EPB41: variants seen among roughly 807,000 people sequenced by gnomAD.
EPB41 encodes erythrocyte membrane protein band 4.1.
Under a neutral mutation model 108.0 loss-of-function variants are expected in EPB41, and 65 were observed. That is an observed-to-expected ratio of 0.60 (90% confidence interval 0.49 to 0.74). The LOEUF (loss-of-function observed/expected upper bound fraction) is 0.74, where lower values mean the gene tolerates loss of function less well. Among genes scored for constraint, EPB41 ranks in the 30% least tolerant of loss-of-function variants. EPB41 has a pLI of 0.00. For synonymous variants in EPB41, 336 were observed against 358.9 expected, an observed-to-expected ratio of 0.94 and a Z score of 0.72; for missense variants, 875 against 1,037.0, an observed-to-expected ratio of 0.84 and a Z score of 2.15.
At position 28,975,940 on chromosome 1, in the gene EPB41, CAAAAAAAAA is replaced by C. The variant is rs775554564; in HGVS notation, c.-7-11478_-7-11470del. 1.2e-4 allele frequency among the ~76,000 whole-genome samples: 8 copies of C among 67,672 alleles called. No individual in the cohort carries two copies. The East Asian group carries it at 2.3e-3, about 19-fold the overall frequency. The allele number at this position is 67,672 out of a possible 152,430, so 44.4% of individuals were successfully genotyped here. A position where few individuals can be genotyped will look rare whatever the true frequency, so the allele number is the denominator to read the frequency against. On this transcript the variant is annotated intron_variant, in intron 1 of 20. Transcript: ENST00000343067. Reference sequence around the variant, plus strand: ...TGGGTGACAGAGTGAGACTCCATCTCAAAAAAAAAAAAAAAAAAAAAGAAAGAAAGAAAG... The same window carrying C: ...TGGGTGACAGAGTGAGACTCCATCTCAAAAAAAAAAAAGAAAGAAAGAAAG...
intron 1 of EPB41, among the ~76,000 whole-genome samples, chr1:28,976,744 T>C (rs1165194291): frequency 1.3e-5 from 2 of 152,120 alleles, no homozygotes; most frequent in Non-Finnish European, 2.9e-5. Flanking sequence ...TTCTTACTAG[T>C]TTCTTTGGAT....
chr1:29,004,612 AC>A (rs2096365917), intron 4 of EPB41, among the ~76,000 whole-genome samples: 1 of 152,216 alleles, frequency 6.6e-6, no homozygotes, highest in Non-Finnish European at 1.5e-5. Flanking sequence ...TTGTAAATAT[AC>A]TTGCAGAGTA....
intron 18 of EPB41, among the ~76,000 whole-genome samples, chr1:29,111,655 A>T (rs778426984): frequency 4.0e-5 from 6 of 151,346 alleles, no homozygotes; most frequent in African/African-American, 4.9e-5. Context: ...TCCGTCTCAA[A>T]AAATAAATAA....
At chr1:28,934,973 G>C (rs945646089) in intron 1 of EPB41, among the ~76,000 whole-genome samples, 1 of 151,992 alleles carries the variant, frequency 6.6e-6, no homozygotes, top group Non-Finnish European at 1.5e-5. Context: ...GAACTAGCCA[G>C]GGGTGGTGGC....
At position 28,935,468 on chromosome 1, in the gene EPB41, C is replaced by CACACACACACACACACACACACACA. The variant is rs1491193201; in HGVS notation, c.-8+20700_-8+20701insACACACACACACACACACACACACA. ...ACACACACACACACACACACACACACCCCCCCCCCCCCAAGATCTACGCAC... is the reference window on the plus strand; with the variant it reads ...ACACACACACACACACACACACACACACACACACACACACACACACACACACCCCCCCCCCCCAAGATCTACGCAC... On this transcript the variant is annotated intron_variant, in intron 1 of 20. Coordinates refer to ENST00000343067, the MANE Select transcript of EPB41 (RefSeq NM_001376013.1). Among the ~76,000 whole-genome samples, 388 of 42,088 alleles carry CACACACACACACACACACACACACA rather than the reference C, an allele frequency of 9.2e-3. 21 individuals carry two copies. Among genetic ancestry groups the CACACACACACACACACACACACACA allele is most frequent in the Non-Finnish European group, 0.011 (210 of 19,550 alleles). The allele number at this position is 42,088 out of a possible 152,430, so 27.6% of individuals were successfully genotyped here.
intron 1 of EPB41, among the ~76,000 whole-genome samples, chr1:28,968,555 T>A (rs2095416935): frequency 6.6e-6 from 1 of 152,130 alleles, no homozygotes; most frequent in African/African-American, 2.4e-5. Context: ...ACTGCCATAT[T>A]CCCAGGGCTT....
At chr1:28,951,644 A>G (rs1381769064) in intron 1 of EPB41, among the ~76,000 whole-genome samples, 4 of 152,120 alleles carry the variant, frequency 2.6e-5, no homozygotes, top group Non-Finnish European at 5.9e-5. Context: ...ACTTGAGCTC[A>G]CAAGTTTGAG....
chr1:29,006,030 C>G (rs893590754), intron 4 of EPB41, among the ~76,000 whole-genome samples: 9 of 152,086 alleles, frequency 5.9e-5, no homozygotes, highest in African/African-American at 2.2e-4. Flanking sequence ...TGAAAATATT[C>G]AAATAGAACT....
At chr1:29,116,338 G>A (rs992746273) in intron 20 of EPB41, among the ~76,000 whole-genome samples, 5 of 151,804 alleles carry the variant, frequency 3.3e-5, no homozygotes, top group African/African-American at 1.2e-4. Context: ...TAGTAGAGAC[G>A]GGGTTTCACC....
At chr1:28,949,335 T>C (rs531506795) in intron 1 of EPB41, among the ~76,000 whole-genome samples, 9 of 152,174 alleles carry the variant, frequency 5.9e-5, no homozygotes, top group African/African-American at 1.7e-4. Context: ...TTCCAGCTAC[T>C]TGGGAGGTTA....
At chr1:28,921,281 T>TATAAAG (rs2148264414) in intron 1 of EPB41, among the ~76,000 whole-genome samples, 1 of 152,350 alleles carries the variant, frequency 6.6e-6, no homozygotes, top group Non-Finnish European at 1.5e-5. Context: ...AAACCTATCT[T>TATAAAG]ATAAAGAAAT....
At chr1:28,891,962 A>C (rs928793031) in intron 1 of EPB41, among the ~76,000 whole-genome samples, 2 of 152,014 alleles carry the variant, frequency 1.3e-5, no homozygotes, top group African/African-American at 4.8e-5. Context: ...GGTTGGTGGC[A>C]GGCGTCTATA....
rs2096569621 is a variant in EPB41 at position 29,015,714 on chromosome 1, T to G, written c.852T>G (p.Phe284Leu). 3.1e-6 allele frequency: 5 copies of G among 1,608,476 alleles called. No individual in the cohort carries two copies. Among genetic ancestry groups the G allele is most frequent in the Middle Eastern group, 1.7e-4 (1 of 6,028 alleles). Reference sequence around the variant, plus strand: ...TAGGTGTCCCTTGGAATTTTACATTTAATGTAAAGTTTTATCCACCTGACC... The same window carrying G: ...TAGGTGTCCCTTGGAATTTTACATTGAATGTAAAGTTTTATCCACCTGACC... ...QVRGVPWNFT[F>L]NVKFYPPDPA... Residue 284 changes from phenylalanine to leucine, a missense_variant, in exon 6 of 21, where the codon TTT becomes TTG. By Grantham distance (22) the Phe-to-Leu change is conservative. This residue lies in a region of EPB41 where 353 missense variants were observed against 393.2 expected (regional missense o/e 0.90). Transcript: ENST00000343067.
rs982594402 is a variant in EPB41 at position 29,119,563 on chromosome 1, G to C, written c.*2751G>C. On this transcript the variant is annotated 3_prime_UTR_variant, in exon 21 of 21. Coordinates refer to ENST00000343067, the MANE Select transcript of EPB41 (RefSeq NM_001376013.1). ...CTCAGGGAGCCTAACTGCGGGACCC[G>C]TCAGGGCCCCGTGACCCATCCCCGT... 1.3e-5 allele frequency: 2 copies of C among 152,224 alleles called. No individual in the cohort carries two copies. The highest frequency in any genetic ancestry group is 2.9e-5 in the Non-Finnish European group (2 of 68,100). 9.4% of individuals were successfully genotyped at this position (152,224 alleles called of 1,614,324 possible).
chr1:28,939,813 T>C (rs953190396), intron 1 of EPB41, among the ~76,000 whole-genome samples: 1 of 152,236 alleles, frequency 6.6e-6, no homozygotes, highest in Admixed American at 6.5e-5. Flanking sequence ...ATCAGTTATC[T>C]ATTGCTACAC....
At chr1:28,915,262 C>T (rs577012715) in intron 1 of EPB41, among the ~76,000 whole-genome samples, 23 of 152,280 alleles carry the variant, frequency 1.5e-4, no homozygotes, top group African/African-American at 5.5e-4. Flanking sequence ...CAGGCCTTCC[C>T]GCCACCGACG....
At chr1:28,947,550 G>A (rs944855773) in intron 1 of EPB41, among the ~76,000 whole-genome samples, 4 of 152,154 alleles carry the variant, frequency 2.6e-5, no homozygotes, top group Non-Finnish European at 5.9e-5. Context: ...TATTCAGCGG[G>A]GTGTGGTGGC....
chr1:29,096,371 GA>G lies in EPB41; in HGVS notation c.2185-1435del. ...GGAGGAGGGGGCAGCTGGCTATCTT[GA>G]TATTAAGGAGATGCCAAGAGGCCCA... On this transcript the variant is annotated intron_variant, in intron 16 of 20. Transcript: ENST00000343067. 4.1e-6 allele frequency: 4 copies of G among 985,968 alleles called. No homozygotes were observed. The South Asian group carries it at 1.9e-4, about 46-fold the overall frequency. 61.1% of individuals were successfully genotyped at this position (985,968 alleles called of 1,614,324 possible).
chr1:29,017,954 A>G (rs973461405), intron 6 of EPB41, among the ~76,000 whole-genome samples: 1 of 152,136 alleles, frequency 6.6e-6, no homozygotes, highest in Admixed American at 6.5e-5. Flanking sequence ...CTCTTTCTAA[A>G]TGTGTCCAAT....
Sources: allele counts gnomAD v4.1 joint callset (sites outside exome capture counted in the v4.1 genomes callset), GRCh38; gene constraint gnomAD v4.1.1; regional missense constraint gnomAD v4.1.1; transcripts MANE v1.5; gene names NCBI Gene and HGNC (gene_info 2026-07-23, HGNC 2026-07-21).